The following PKD1L3 variants were observed in gnomAD, a reference collection of about 807,000 sequenced individuals.
The protein encoded by PKD1L3 is polycystin-1-like protein 3.
In PKD1L3, 239 loss-of-function variants were observed where a neutral mutation model predicts 184.1. The ratio of observed to expected loss-of-function variants is 1.30; its 90% CI spans 1.17 to 1.45. PKD1L3 has a LOEUF of 1.45. PKD1L3 is among the 40% of genes most tolerant of loss of function. The probability of loss-of-function intolerance (pLI) is 0.00; values close to 1 mark genes in which losing one functional copy is unlikely to be tolerated. For missense variants in PKD1L3, 2,660 were observed against 2,067.2 expected (o/e 1.29, Z -5.56); for synonymous variants, 996 against 778.8 (o/e 1.28, Z -4.64).
chr16:71,948,825 A>AAAAAAAAAAAAT (rs2038720232), intron 21 of PKD1L3, among the ~76,000 whole-genome samples: 2 of 149,706 alleles, frequency 1.3e-5, no homozygotes, highest in Admixed American at 6.7e-5. Flanking sequence ...AAAAAAAAAA[A>AAAAAAAAAAAAT]GTCACTTTTT....
chr16:71,935,245 C>CT, intron 26 of PKD1L3, 113 bp downstream of exon 26: 1 of 1,185,266 alleles, frequency 8.4e-7, no homozygotes, highest in South Asian at 1.7e-5. Flanking sequence ...TCTTTTAACT[C>CT]TAATGTTATG....
At chr16:71,980,399 G>T (rs1291830793) in intron 7 of PKD1L3, among the ~76,000 whole-genome samples, 1 of 152,128 alleles carries the variant, frequency 6.6e-6, no homozygotes, top group Non-Finnish European at 1.5e-5. Context: ...TCACGATAGA[G>T]TTTTTAAATG....
At chr16:71,940,479 G>C (rs903043663) in intron 24 of PKD1L3, among the ~76,000 whole-genome samples, 7 of 151,980 alleles carry the variant, frequency 4.6e-5, no homozygotes, top group Admixed American at 3.9e-4. Context: ...TCTATGCATG[G>C]GCACAGAGCT....
At position 71,986,444 on chromosome 16, in the gene PKD1L3, C is replaced by A; in HGVS notation, c.611G>T (p.Ser204Ile). Residue 204 changes from serine to isoleucine, a missense_variant, in exon 5 of 30, where the codon AGC (serine) becomes ATC (isoleucine). Ser to Ile is a moderately radical substitution (Grantham distance 142). Transcript: ENST00000620267. ...ACTTGATAGTACTGAAGGAAACTGG[C>A]TGATGGGATGACACAGGGTCTTGGA... Reference protein sequence around the residue: ...HLSKTLCHPISQFPSVLSSIT... With the variant: ...HLSKTLCHPIIQFPSVLSSIT... 6.4e-7 allele frequency: 1 copy of A among 1,551,862 alleles called. No homozygotes were observed. Among genetic ancestry groups the A allele is most frequent in the Middle Eastern group, 1.7e-4 (1 of 5,966 alleles).
Position 71,954,295 on chromosome 16 carries a change from CAG to C in PKD1L3, c.2617_2618del (p.Leu873ValfsTer62). 6.5e-7 allele frequency: 1 copy of C among 1,533,028 alleles called. No individual in the cohort carries two copies. The allele number at this position is 1,533,028 out of a possible 1,614,324, so 95.0% of individuals were successfully genotyped here. A position where few individuals can be genotyped will look rare whatever the true frequency, so the allele number is the denominator to read the frequency against. Reference protein sequence around the residue: ...SKRELFSFRHLFSSMIVEKFT... With the variant: ...SKRELFSFRHXFSSMIVEKFT... ...ACTTTTCCACAATCATGGAGGAAAA[CAG>C]ATGTCTGAAAAGAGAAATCAGAAGA... On this transcript the variant is annotated frameshift_variant, in exon 17 of 30. Coordinates refer to ENST00000620267, the MANE Select transcript of PKD1L3 (RefSeq NM_181536.2). LOFTEE classifies it high-confidence loss of function.
Position 71,942,847 on chromosome 16 carries a change from TC to T in PKD1L3, c.4036del (p.Asp1346IlefsTer20), listed in dbSNP as rs1309528257. Reference protein sequence around the residue: ...NHILLPSLYGDYRGKNAVLEP... With the variant: ...NHILLPSLYGXYRGKNAVLEP... ...CAGGACTGCATTCTTACCTCTGTAATCCCCATACAGGCTAGGAAGAAGGATA... is the reference window on the plus strand; with the variant it reads ...CAGGACTGCATTCTTACCTCTGTAATCCCATACAGGCTAGGAAGAAGGATA... On this transcript the variant is annotated frameshift_variant, in exon 24 of 30. Transcript: ENST00000620267. LOFTEE classifies it high-confidence loss of function. The T allele has an allele frequency of 6.4e-7, 1 of 1,551,636 alleles. No homozygotes were observed. The highest frequency in any genetic ancestry group is 2.0e-5 in the Admixed American group (1 of 50,988).
intron 25 of PKD1L3, among the ~76,000 whole-genome samples, 200 bp from the exon 26 acceptor site, chr16:71,935,718 TCAAA>T (rs753325451): frequency 8.1e-4 from 124 of 152,328 alleles, no homozygotes; most frequent in Non-Finnish European, 1.4e-3. Context: ...AAAGTTATCT[TCAAA>T]CAACTTCCAT....
intron 16 of PKD1L3, among the ~76,000 whole-genome samples, chr16:71,955,198 T>C (rs972605924): frequency 6.6e-6 from 1 of 151,390 alleles, no homozygotes; most frequent in African/African-American, 2.4e-5. Flanking sequence ...ATGTGAAGGG[T>C]TGGAATGAAA....
chr16:71,970,145 G>A (rs760518467), intron 12 of PKD1L3, 40 bp from the exon 13 acceptor site: 1 of 1,475,534 alleles, frequency 6.8e-7, no homozygotes, highest in Non-Finnish European at 9.3e-7. Flanking sequence ...GTCAGACAGA[G>A]TGCTAAGGAG....
At chr16:71,945,615 T>G (rs557889101) in intron 22 of PKD1L3, among the ~76,000 whole-genome samples, 205 of 151,180 alleles carry the variant, frequency 1.4e-3, no homozygotes, top group African/African-American at 4.8e-3. Flanking sequence ...GAGGCAGAGG[T>G]TGCAGTGAGC....
At chr16:71,985,156 T>C (rs981842929) in intron 5 of PKD1L3, among the ~76,000 whole-genome samples, 7 of 152,178 alleles carry the variant, frequency 4.6e-5, no homozygotes, top group Admixed American at 4.6e-4. Context: ...TAATTTATTA[T>C]AGATCCTTTT....
chr16:71,974,734 C>T (rs2039854874), intron 11 of PKD1L3, among the ~76,000 whole-genome samples: 1 of 152,156 alleles, frequency 6.6e-6, no homozygotes, highest in Non-Finnish European at 1.5e-5. Flanking sequence ...GGAAAGGGCC[C>T]GTTGGTAATT....
intron 7 of PKD1L3, among the ~76,000 whole-genome samples, chr16:71,981,630 T>C: frequency 6.7e-6 from 1 of 149,324 alleles, no homozygotes; most frequent in East Asian, 2.0e-4. Context: ...AACCTCTGCC[T>C]CCCAGGTTCA....
chr16:71,989,552 T>C (rs2040507969), intron 4 of PKD1L3, among the ~76,000 whole-genome samples: 3 of 152,246 alleles, frequency 2.0e-5, no homozygotes, highest in Admixed American at 6.5e-5. Context: ...GGTTTCTACA[T>C]AGGACACAAG....
In PKD1L3 at chr16:71,968,915, T is replaced by A. The variant is rs1201124616; in HGVS notation, c.2185-908A>T. Among the ~76,000 whole-genome samples the A allele has an allele frequency of 2.0e-5, 3 of 148,326 alleles. No individual in the cohort carries two copies. The East Asian group carries it at 6.0e-4, about 30-fold the overall frequency. On this transcript the variant is annotated intron_variant, in intron 13 of 29. Transcript: ENST00000620267. Reference sequence around the variant, plus strand: ...CCAGCCAGTTACATTAAGTTACAATTTGATTTACATATAACTTTTTTTTTT... The same window carrying A: ...CCAGCCAGTTACATTAAGTTACAATATGATTTACATATAACTTTTTTTTTT...
chr16:71,943,081 A>G, intron 23 of PKD1L3, 57 bp from the exon 24 acceptor site: 2 of 1,355,044 alleles, frequency 1.5e-6, no homozygotes. Context: ...GAAATCCTCT[A>G]TGTCTTTTTC....
chr16:71,967,938 C>A lies in PKD1L3; in HGVS notation c.2254G>T (p.Gly752Ter). Reference sequence around the variant, plus strand: ...GTTGTAGCAGCGCTTCTTCGATATCCGGTGTAGACCTGAATAAGGTAGTGA... The same window carrying A: ...GTTGTAGCAGCGCTTCTTCGATATCAGGTGTAGACCTGAATAAGGTAGTGA... ...QFHYLIQVYTGYRRSAATTAK... is the reference protein window; with the variant it reads ...QFHYLIQVYT Residue 752 changes from glycine (G) to a stop codon, truncating the protein, a stop_gained, in exon 14 of 30, where the codon GGA becomes TGA. Coordinates refer to ENST00000620267, the MANE Select transcript of PKD1L3 (RefSeq NM_181536.2). LOFTEE classifies it high-confidence loss of function. 9 of 1,551,526 alleles carry A rather than the reference C, an allele frequency of 5.8e-6. No individual in the cohort carries two copies. Among genetic ancestry groups the A allele is most frequent in the South Asian group, 1.2e-5 (1 of 84,042 alleles).
At chr16:71,943,537 CAA>C (rs10693124) in intron 23 of PKD1L3, among the ~76,000 whole-genome samples, 11 of 84,524 alleles carry the variant, frequency 1.3e-4, no homozygotes, top group African/African-American at 4.9e-4. Flanking sequence ...GACTCCGTCT[CAA>C]AAAAAAAAAA....
intron 5 of PKD1L3, among the ~76,000 whole-genome samples, chr16:71,985,214 A>G (rs2040310480): frequency 6.6e-6 from 1 of 152,140 alleles, no homozygotes; most frequent in Non-Finnish European, 1.5e-5. Context: ...AACAAAAACA[A>G]AAATCTTTGT....
Sources: gnomAD v4.1 joint callset for allele counts (sites outside exome capture counted in the v4.1 genomes callset) on GRCh38, gnomAD v4.1.1 for gene constraint, MANE v1.5 for transcripts, NCBI Gene and HGNC (gene_info 2026-07-23, HGNC 2026-07-21) for gene names.